The following CHN1 variants were observed in gnomAD, a reference collection of about 807,000 sequenced individuals.
The protein encoded by CHN1 is N-chimaerin.
CHN1 carries 37 observed loss-of-function variants against 59.5 expected under a neutral mutation model. That is an observed-to-expected ratio of 0.62 (90% CI 0.48 to 0.82). The LOEUF is 0.82. Among genes scored for constraint, CHN1 ranks in the 40% least tolerant of loss-of-function variants. The pLI is 0.00. For synonymous variants in CHN1, 206 were observed against 200.4 expected, an observed-to-expected ratio of 1.03 and a Z score of -0.24; for missense variants, 469 against 571.0, an observed-to-expected ratio of 0.82 and a Z score of 1.82.
chr2:174,827,961 A>T (rs1241851249), intron 7 of CHN1, among the ~76,000 whole-genome samples: 8 of 152,158 alleles, frequency 5.3e-5, no homozygotes, highest in African/African-American at 1.9e-4. Context: ...TCACTGATGG[A>T]GCAAGGCTCT....
intron 1 of CHN1, among the ~76,000 whole-genome samples, chr2:175,003,786 G>A (rs1691965401): frequency 6.6e-6 from 1 of 152,186 alleles, no homozygotes. Context: ...TCTAGGCTCA[G>A]TTTTGCCACA....
chr2:174,880,557 T>C (rs918153373), intron 5 of CHN1, among the ~76,000 whole-genome samples: 2 of 152,150 alleles, frequency 1.3e-5, no homozygotes, highest in Non-Finnish European at 2.9e-5. Flanking sequence ...AGATTCCAAA[T>C]CTAAGGTCAA....
At chr2:174,991,994 C>A (rs920674703) in intron 1 of CHN1, among the ~76,000 whole-genome samples, 1 of 152,164 alleles carries the variant, frequency 6.6e-6, no homozygotes, top group African/African-American at 2.4e-5. Flanking sequence ...GAAAGAAATG[C>A]ATTCACAAAT....
chr2:174,914,796 G>A (rs887745977), intron 5 of CHN1, among the ~76,000 whole-genome samples: 2 of 139,334 alleles, frequency 1.4e-5, no homozygotes, highest in African/African-American at 5.5e-5. Flanking sequence ...AGTGAGCCGA[G>A]ATCGTGCCAC....
At chr2:174,869,052 C>T (rs2105462614) in intron 6 of CHN1, among the ~76,000 whole-genome samples, 1 of 152,226 alleles carries the variant, frequency 6.6e-6, no homozygotes, top group East Asian at 1.9e-4. Flanking sequence ...AGAGGAAGAG[C>T]AAAGGTATAG....
intron 6 of CHN1, among the ~76,000 whole-genome samples, chr2:174,866,253 T>C (rs942998655): frequency 2.0e-5 from 3 of 152,150 alleles, no homozygotes; most frequent in African/African-American, 4.8e-5. Flanking sequence ...ACTTAGCATA[T>C]AGGACTATAG....
At chr2:174,993,709 G>C (rs1198680449) in intron 1 of CHN1, among the ~76,000 whole-genome samples, 1 of 151,782 alleles carries the variant, frequency 6.6e-6, no homozygotes, top group Non-Finnish European at 1.5e-5. Context: ...AGGAGAGGAA[G>C]AACCTAATGA....
intron 1 of CHN1, among the ~76,000 whole-genome samples, chr2:174,976,928 T>C (rs1153724): frequency 0.018 from 2,762 of 152,324 alleles, 81 homozygotes; most frequent in African/African-American, 0.062. Context: ...GAAAAAATAC[T>C]GTCAATGGTC....
At position 174,849,804 on chromosome 2, in the gene CHN1, T is replaced by C. The variant is rs1686667861; in HGVS notation, c.550-2847A>G. ...TTTTATAGTTGAGAGGGCTGAGGCC[T>C]ACAGTTTACTTCCCAAAGTTGCACA... On this transcript the variant is annotated intron_variant, in intron 6 of 12. Coordinates refer to ENST00000409900, the MANE Select transcript of CHN1 (RefSeq NM_001822.7). Among the ~76,000 whole-genome samples, 5 of 152,192 alleles carry C rather than the reference T, an allele frequency of 3.3e-5. No individual in the cohort carries two copies. In the South Asian group the frequency reaches 1.0e-3, roughly 31 times the overall value.
intron 5 of CHN1, among the ~76,000 whole-genome samples, chr2:174,899,065 C>G (rs1481314725): frequency 6.6e-6 from 1 of 152,108 alleles, no homozygotes; most frequent in Non-Finnish European, 1.5e-5. Context: ...AGGACGGGCT[C>G]CTTTGGTTCC....
intron 3 of CHN1, among the ~76,000 whole-genome samples, chr2:174,928,220 T>C (rs1332663915): frequency 6.6e-6 from 1 of 152,222 alleles, no homozygotes; most frequent in Admixed American, 6.5e-5. Flanking sequence ...CCACTGCCAC[T>C]GCCTCGTGGC....
intron 5 of CHN1, among the ~76,000 whole-genome samples, chr2:174,886,111 G>C (rs898255038): frequency 2.6e-5 from 4 of 152,212 alleles, no homozygotes; most frequent in Non-Finnish European, 5.9e-5. Context: ...AGTAAAACAT[G>C]AGTGTGAGTG....
In CHN1 at chr2:174,877,896, T is replaced by G. The variant is rs1166610610; in HGVS notation, c.493A>C (p.Lys165Gln). Residue 165 changes from lysine (K) to glutamine (Q), a missense_variant, in exon 6 of 13, where the codon AAA becomes CAA. By Grantham distance (53) the Lys-to-Gln change is moderately conservative (BLOSUM62 1). This residue lies in a region of CHN1 where 81 missense variants were observed against 71.7 expected (regional missense o/e 1.13). Coordinates refer to ENST00000409900, the MANE Select transcript of CHN1 (RefSeq NM_001822.7). The part of the protein sequence containing the change: ...PAYKKHMPVL[K>Q]ETHDERDSTG... Reference sequence around the variant, plus strand: ...GAATCTCTCTCATCATGTGTCTCTTTCAGGACTGGCATATGTTTTTTGTAT... The same window carrying G: ...GAATCTCTCTCATCATGTGTCTCTTGCAGGACTGGCATATGTTTTTTGTAT... 3.1e-6 allele frequency: 5 copies of G among 1,613,910 alleles called. No homozygotes were observed. In the South Asian group the frequency reaches 5.5e-5, roughly 18 times the overall value.
At chr2:174,807,504 GTGTGTGTGTT>G (rs929093014) in intron 11 of CHN1, among the ~76,000 whole-genome samples, 1 of 132,588 alleles carries the variant, frequency 7.5e-6, no homozygotes, top group African/African-American at 3.0e-5. Context: ...GTGTGTGTGT[GTGTGTGTGTT>G]GCTTTCTAGA....
chr2:174,808,803 G>A, intron 11 of CHN1, 102 bp downstream of exon 11: 3 of 1,263,690 alleles, frequency 2.4e-6, no homozygotes, highest in Non-Finnish European at 3.4e-6. Flanking sequence ...GAGGCAAAGG[G>A]GAAACATTTC....
At chr2:174,898,800 GA>G (rs1030283433) in intron 5 of CHN1, among the ~76,000 whole-genome samples, 2 of 152,040 alleles carry the variant, frequency 1.3e-5, no homozygotes, top group African/African-American at 4.8e-5. Context: ...AACAGTGGCA[GA>G]AAATTCTTGT....
intron 7 of CHN1, among the ~76,000 whole-genome samples, chr2:174,828,363 C>A (rs943313559): frequency 6.6e-6 from 1 of 152,124 alleles, no homozygotes; most frequent in South Asian, 2.1e-4. Flanking sequence ...TGAATATTTT[C>A]TTTTTACGTG....
intron 5 of CHN1, among the ~76,000 whole-genome samples, chr2:174,898,325 G>A (rs905512824): frequency 1.6e-4 from 24 of 152,218 alleles, no homozygotes; most frequent in African/African-American, 5.8e-4. Flanking sequence ...CTTCTGGCCA[G>A]GCGCAGTGGC....
chr2:174,815,765 T>C (rs1392158707), intron 8 of CHN1, among the ~76,000 whole-genome samples: 1 of 152,204 alleles, frequency 6.6e-6, no homozygotes, highest in East Asian at 1.9e-4. Context: ...AGAGTAACTT[T>C]TGATGAGTAA....
Sources: gnomAD v4.1 joint callset for allele counts (sites outside exome capture counted in the v4.1 genomes callset) on GRCh38, gnomAD v4.1.1 for gene constraint, gnomAD v4.1.1 regional missense constraint, MANE v1.5 for transcripts, NCBI Gene and HGNC (gene_info 2026-07-23, HGNC 2026-07-21) for gene names.